STXBP5L: variants seen among roughly 807,000 people sequenced by gnomAD.
STXBP5L encodes syntaxin-binding protein 5-like.
A neutral mutation model predicts 144.5 loss-of-function variants in STXBP5L; 65 were observed. The ratio of observed to expected loss-of-function variants is 0.45; its 90% confidence interval spans 0.37 to 0.55. STXBP5L has a LOEUF of 0.55. Ranked by LOEUF, STXBP5L falls within the 20% of genes least tolerant of loss-of-function variation. The pLI, the probability that STXBP5L is intolerant of heterozygous loss-of-function variation, is 0.00. For missense variants in STXBP5L, 1,298 were observed against 1,405.5 expected (o/e 0.92, Z 1.22); for synonymous variants, 505 against 469.6 (o/e 1.08, Z -0.97).
chr3:121,254,838 A>C, intron 15 of STXBP5L, 57 bp from the exon 16 acceptor site: 1 of 1,390,104 alleles, frequency 7.2e-7, no homozygotes, highest in Non-Finnish European at 9.7e-7. Context: ...AAAAGCTTTA[A>C]TAACATCTAA....
rs559048967 is a variant in STXBP5L, at chr3:121,213,822, G to A, written c.956+7821G>A. 2.4e-4 allele frequency among the ~76,000 whole-genome samples: 37 copies of A among 152,210 alleles called. No individual in the cohort carries two copies. In the East Asian group the frequency reaches 3.7e-3, roughly 15 times the overall value. ...CCTCTTTGTACCTCTGGTAGAATTCGGCTGTAAATCCATGTGGTCCTGGGC... is the reference window on the plus strand; with the variant it reads ...CCTCTTTGTACCTCTGGTAGAATTCAGCTGTAAATCCATGTGGTCCTGGGC... On this transcript the variant is annotated intron_variant, in intron 10 of 26. Transcript: ENST00000471454.
intron 12 of STXBP5L, among the ~76,000 whole-genome samples, chr3:121,235,002 A>AT (rs200616249): frequency 6.0e-5 from 9 of 151,090 alleles, no homozygotes; most frequent in Non-Finnish European, 1.0e-4. Context: ...ATATATATAT[A>AT]TTTTTTTATT....
At chr3:121,380,386 A>G (rs1226636559) in intron 21 of STXBP5L, among the ~76,000 whole-genome samples, 2 of 152,168 alleles carry the variant, frequency 1.3e-5, no homozygotes, top group Admixed American at 1.3e-4. Context: ...TCCTCTTTCT[A>G]TAAAAACAAT....
At chr3:121,000,628 C>T (rs531401755) in intron 3 of STXBP5L, among the ~76,000 whole-genome samples, 10 of 152,260 alleles carry the variant, frequency 6.6e-5, no homozygotes, top group South Asian at 2.1e-4. Context: ...TCAGCCATTT[C>T]AGTTTGGTTA....
intron 3 of STXBP5L, among the ~76,000 whole-genome samples, chr3:121,021,035 C>T (rs9849720): frequency 6.6e-6 from 1 of 152,044 alleles, no homozygotes; most frequent in Admixed American, 6.5e-5. Context: ...TCACCTTCCA[C>T]ATAAGGACTC....
chr3:120,988,489 A>G (rs953104718), intron 3 of STXBP5L, among the ~76,000 whole-genome samples: 5 of 151,878 alleles, frequency 3.3e-5, no homozygotes, highest in African/African-American at 1.2e-4. Context: ...ATTGTTTTAA[A>G]TTTTAAAGTT....
At chr3:121,309,511 G>C (rs946391723) in intron 19 of STXBP5L, among the ~76,000 whole-genome samples, 1 of 151,940 alleles carries the variant, frequency 6.6e-6, no homozygotes, top group African/African-American at 2.4e-5. Flanking sequence ...TGCCTAACAT[G>C]ATCAAAAAGA....
rs1688690 is a variant in STXBP5L at position 121,030,493 on chromosome 3, T to A, written c.288-11207T>A. On this transcript the variant is annotated intron_variant, in intron 3 of 26. Coordinates refer to ENST00000471454, the MANE Select transcript of STXBP5L (RefSeq NM_001308330.2). ...GAGTTGAACAATGAGAACACATGGA[T>A]ACAGCATGGCGAACATCACACACCG... Among the ~76,000 whole-genome samples the A allele has an allele frequency of 5.2e-4, 79 of 152,092 alleles. 1 individual carries two copies. The South Asian group carries it at 0.015, about 30-fold the overall frequency.
chr3:120,979,336 T>C (rs556520401), intron 3 of STXBP5L, among the ~76,000 whole-genome samples: 73 of 152,342 alleles, frequency 4.8e-4, no homozygotes, highest in Admixed American at 1.0e-3. Context: ...TCCGTGGGCA[T>C]AGGACCCTCC....
intron 5 of STXBP5L, among the ~76,000 whole-genome samples, chr3:121,097,371 C>G (rs544807132): frequency 9.8e-5 from 15 of 152,286 alleles, no homozygotes; most frequent in African/African-American, 2.9e-4. Context: ...AAGAAAAACA[C>G]CTGCAGCTAG....
intron 20 of STXBP5L, among the ~76,000 whole-genome samples, chr3:121,363,412 A>T (rs1312911860): frequency 1.3e-5 from 2 of 152,178 alleles, no homozygotes; most frequent in African/African-American, 4.8e-5. Flanking sequence ...TGATGTTTCC[A>T]CATACTCAAG....
chr3:120,963,536 G>T (rs966587982), intron 3 of STXBP5L, among the ~76,000 whole-genome samples: 3 of 152,158 alleles, frequency 2.0e-5, no homozygotes, highest in Non-Finnish European at 4.4e-5. Flanking sequence ...TAATCATGTG[G>T]TTTTTGTCAT....
intron 20 of STXBP5L, chr3:121,324,631 C>T: frequency 1.6e-6 from 1 of 644,542 alleles, no homozygotes; most frequent in Non-Finnish European, 2.8e-6. Context: ...TTATTCATAT[C>T]TTCACAATTT....
intron 5 of STXBP5L, among the ~76,000 whole-genome samples, chr3:121,072,957 G>T (rs1436739756): frequency 1.3e-5 from 2 of 152,180 alleles, no homozygotes; most frequent in Non-Finnish European, 2.9e-5. Flanking sequence ...CTTTGGCTAA[G>T]AGCAATGCTC....
chr3:120,976,990 G>A (rs899866301), intron 3 of STXBP5L, among the ~76,000 whole-genome samples: 1 of 152,126 alleles, frequency 6.6e-6, no homozygotes, highest in Non-Finnish European at 1.5e-5. Context: ...TGGAATAGGT[G>A]TGGTGTGGTG....
Position 120,991,229 on chromosome 3 carries a change from A to C in STXBP5L, c.287+36192A>C, listed in dbSNP as rs1412973181. Among the ~76,000 whole-genome samples, 7 of 151,994 alleles carry C rather than the reference A, an allele frequency of 4.6e-5. No homozygotes were observed. In the East Asian group the frequency reaches 1.4e-3, roughly 29 times the overall value. ...TATGCAGCCAAAAGACACATGAAAA[A>C]ATGCTCATCATCACTGGCCATCAGA... On this transcript the variant is annotated intron_variant, in intron 3 of 26. Transcript: ENST00000471454.
chr3:121,340,368 A>G (rs538861329), intron 20 of STXBP5L, among the ~76,000 whole-genome samples: 3 of 152,100 alleles, frequency 2.0e-5, no homozygotes, highest in East Asian at 3.9e-4. Context: ...TCTAGGGTAC[A>G]TGTGCACAAC....
At chr3:121,250,495 A>C (rs946950430) in intron 14 of STXBP5L, among the ~76,000 whole-genome samples, 1 of 152,000 alleles carries the variant, frequency 6.6e-6, no homozygotes, top group Non-Finnish European at 1.5e-5. Flanking sequence ...TTTTACAGTA[A>C]AGTCTAAGGA....
chr3:121,214,225 T>C (rs1024091818), intron 10 of STXBP5L, among the ~76,000 whole-genome samples: 1 of 152,220 alleles, frequency 6.6e-6, no homozygotes, highest in South Asian at 2.1e-4. Flanking sequence ...CACTGTGATC[T>C]TAGTTATTTC....
Sources: allele counts gnomAD v4.1 joint callset (sites outside exome capture counted in the v4.1 genomes callset), GRCh38; gene constraint gnomAD v4.1.1; transcripts MANE v1.5; gene names NCBI Gene and HGNC (gene_info 2026-07-23, HGNC 2026-07-21).